The following SYAP1 variants were observed in gnomAD, a reference collection of about 807,000 sequenced individuals.
SYAP1 encodes synapse-associated protein 1.
Under a neutral mutation model 29.6 loss-of-function variants are expected in SYAP1, and 3 were observed. That is an observed-to-expected ratio of 0.10 (90% CI 0.05 to 0.26). The LOEUF (loss-of-function observed/expected upper bound fraction) is 0.26, where lower values mean the gene tolerates loss of function less well. Ranked by LOEUF, SYAP1 falls within the 10% of genes least tolerant of loss-of-function variation. The pLI is 1.00. For synonymous variants in SYAP1, 102 were observed against 102.7 expected, an observed-to-expected ratio of 0.99 and a Z score of 0.04; for missense variants, 217 against 264.1, an observed-to-expected ratio of 0.82 and a Z score of 1.24.
chrX:16,733,417 A>G (rs1279202974), intron 1 of SYAP1, among the ~76,000 whole-genome samples: 1 of 111,401 alleles, frequency 9.0e-6, no homozygotes, highest in Non-Finnish European at 1.9e-5. Flanking sequence ...CAGAATGAGG[A>G]TGGAATCTGT....
In SYAP1 at chrX:16,763,705, C is replaced by G. The variant is rs1394487380; in HGVS notation, c.*3346C>G. The G allele has an allele frequency of 9.0e-6, 1 of 110,720 alleles. No individual in the cohort carries two copies. Among genetic ancestry groups the G allele is most frequent in the Non-Finnish European group, 1.9e-5 (1 of 53,002 alleles). 9.1% of individuals were successfully genotyped at this position (110,720 alleles called of 1,213,427 possible). ...AAACATTGTTTCAGAGATAAAGCAG[C>G]AATTACACTTGTACTCCCAGTGATT... On this transcript the variant is annotated 3_prime_UTR_variant, in exon 9 of 9. Transcript: ENST00000380155.
chrX:16,730,160 C>A (rs1230592577), intron 1 of SYAP1, among the ~76,000 whole-genome samples: 2 of 111,437 alleles, frequency 1.8e-5, no homozygotes, highest in African/African-American at 6.5e-5. Flanking sequence ...TCGAGACCAG[C>A]CTGACCAACA....
rs1927068300 is a variant in SYAP1, at chrX:16,765,175, TG to T, written c.*4818del. ...CTCACAAATCATCAAATTATTTATC[TG>T]GTCTTCACACTAAGGGATTTACTTA... is the stretch of plus-strand genomic sequence containing the variant. On this transcript the variant is annotated 3_prime_UTR_variant, in exon 9 of 9. Coordinates refer to ENST00000380155, the MANE Select transcript of SYAP1 (RefSeq NM_032796.4). 1 of 112,595 alleles carries T rather than the reference TG, an allele frequency of 8.9e-6. No homozygotes were observed. The allele number at this position is 112,595 out of a possible 1,213,427, so 9.3% of individuals were successfully genotyped here.
At chrX:16,725,384 C>G (rs756792155) in intron 1 of SYAP1, among the ~76,000 whole-genome samples, 1 of 111,870 alleles carries the variant, frequency 8.9e-6, no homozygotes, top group Non-Finnish European at 1.9e-5. Flanking sequence ...CGGTGGCTTA[C>G]AGTTGTCATC....
At chrX:16,723,916 G>C (rs1391492824) in intron 1 of SYAP1, among the ~76,000 whole-genome samples, 1 of 110,831 alleles carries the variant, frequency 9.0e-6, no homozygotes, top group Non-Finnish European at 1.9e-5. Flanking sequence ...GAGGCAGATA[G>C]CCTGTGTTTG....
intron 1 of SYAP1, among the ~76,000 whole-genome samples, chrX:16,729,407 C>A (rs1296963769): frequency 9.0e-6 from 1 of 110,966 alleles, no homozygotes; most frequent in Non-Finnish European, 1.9e-5. Flanking sequence ...TCTTTTATAA[C>A]CCTTTATAAT....
chrX:16,758,937 A>G (rs1424763898), intron 8 of SYAP1, among the ~76,000 whole-genome samples: 1 of 108,448 alleles, frequency 9.2e-6, no homozygotes, highest in East Asian at 2.9e-4. Context: ...TAATCCCAGC[A>G]CTTTGGGAGG....
In SYAP1 at chrX:16,741,492, G is replaced by A. The variant is rs771004143; in HGVS notation, c.362-224G>A. On this transcript the variant is annotated intron_variant, in intron 3 of 8. Coordinates refer to ENST00000380155, the MANE Select transcript of SYAP1 (RefSeq NM_032796.4). ...ATTACAGGTGTGAGCCACCATGCCT[G>A]GCCTCAAGTAGAGTTTTTTTTTTTT... Among the ~76,000 whole-genome samples, 404 of 84,879 alleles carry A rather than the reference G, an allele frequency of 4.8e-3. 3 individuals are homozygous for A. Among genetic ancestry groups the A allele is most frequent in the African/African-American group, 0.016 (387 of 24,953 alleles). The allele number at this position is 84,879 out of a possible 115,157, so 73.7% of individuals were successfully genotyped here. A position where few individuals can be genotyped will look rare whatever the true frequency, so the allele number is the denominator to read the frequency against.
chrX:16,756,107 C>A (rs1272202154), intron 6 of SYAP1, among the ~76,000 whole-genome samples: 1 of 111,737 alleles, frequency 8.9e-6, no homozygotes, highest in Non-Finnish European at 1.9e-5. Flanking sequence ...TTGGAAAATG[C>A]CATTTTGCCA....
intron 3 of SYAP1, among the ~76,000 whole-genome samples, chrX:16,739,469 T>C: frequency 1.1e-5 from 1 of 88,468 alleles, no homozygotes; most frequent in African/African-American, 4.4e-5. Context: ...CAAATCACTC[T>C]CTCTCTCTTT....
chrX:16,756,574 CATA>C, intron 6 of SYAP1, 86 bp from the exon 7 acceptor site: 1 of 785,572 alleles, frequency 1.3e-6, no homozygotes, highest in Non-Finnish European at 1.9e-6. Context: ...TATTTAGTAT[CATA>C]ATACTTGTGG....
chrX:16,746,713 G>A (rs1265336344), intron 5 of SYAP1, among the ~76,000 whole-genome samples: 6 of 110,352 alleles, frequency 5.4e-5, no homozygotes, highest in African/African-American at 9.9e-5. Flanking sequence ...TCAGCCTCCC[G>A]AGTAGCTGGG....
intron 1 of SYAP1, among the ~76,000 whole-genome samples, chrX:16,725,626 CTAAT>C (rs1926068902): frequency 8.9e-6 from 1 of 112,438 alleles, no homozygotes; most frequent in African/African-American, 3.2e-5. Flanking sequence ...CCAGGCCACT[CTAAT>C]AACTCTCTGG....
intron 3 of SYAP1, among the ~76,000 whole-genome samples, chrX:16,741,309 C>T (rs1330855827): frequency 3.6e-5 from 4 of 110,999 alleles, no homozygotes; most frequent in East Asian, 2.8e-4. Flanking sequence ...GTGATCCTCC[C>T]GCCTCAGCCT....
chrX:16,745,846 G>A (rs1293189157), intron 5 of SYAP1, among the ~76,000 whole-genome samples: 1 of 109,930 alleles, frequency 9.1e-6, no homozygotes, highest in Non-Finnish European at 1.9e-5. Flanking sequence ...CATTCTCTTT[G>A]TCCTTGTGTT....
At chrX:16,738,126 A>C (rs1180498823) in intron 3 of SYAP1, among the ~76,000 whole-genome samples, 1 of 111,836 alleles carries the variant, frequency 8.9e-6, no homozygotes, top group East Asian at 2.8e-4. Flanking sequence ...TTCAAGACGC[A>C]GTCAGGGCCA....
intron 5 of SYAP1, among the ~76,000 whole-genome samples, chrX:16,744,083 A>G (rs1046854086): frequency 8.9e-6 from 1 of 112,299 alleles, no homozygotes; most frequent in African/African-American, 3.2e-5. Flanking sequence ...ACATTTCCCT[A>G]CAGAAACCAC....
At chrX:16,749,910 CAAA>C (rs201193907) in intron 5 of SYAP1, among the ~76,000 whole-genome samples, 5 of 58,013 alleles carry the variant, frequency 8.6e-5, no homozygotes, top group Non-Finnish European at 1.0e-4. Context: ...GACTCCATCT[CAAA>C]AAAAAAAAAA....
chrX:16,740,342 CT>C (rs57231597), intron 3 of SYAP1, among the ~76,000 whole-genome samples: 8,162 of 90,363 alleles, frequency 0.09, 972 homozygotes, highest in African/African-American at 0.31. Flanking sequence ...TTGTGCATTT[CT>C]TTTTTTTTTT....
Sources: gnomAD v4.1 joint callset for allele counts (sites outside exome capture counted in the v4.1 genomes callset) on GRCh38, gnomAD v4.1.1 for gene constraint, MANE v1.5 for transcripts, NCBI Gene and HGNC (gene_info 2026-07-23, HGNC 2026-07-21) for gene names.